Variants in SARDH observed in about 807,000 individuals in gnomAD.
SARDH encodes sarcosine dehydrogenase, mitochondrial.
In SARDH, 95 loss-of-function variants were observed where a neutral mutation model predicts 109.1. That is an observed-to-expected ratio of 0.87 (90% CI 0.74 to 1.03). The LOEUF is 1.03. Among genes scored for constraint, SARDH ranks in the 50% least tolerant of loss-of-function variants. The probability of loss-of-function intolerance (pLI) is 0.00; values close to 1 mark genes in which losing one functional copy is unlikely to be tolerated. For synonymous variants in SARDH, 572 were observed against 534.8 expected, an observed-to-expected ratio of 1.07 and a Z score of -0.96; for missense variants, 1,267 against 1,287.8, an observed-to-expected ratio of 0.98 and a Z score of 0.25.
rs1003613128 is a variant in SARDH at position 133,729,927 on chromosome 9, G to A, written c.815-62C>T. The A allele has an allele frequency of 5.1e-5, 81 of 1,596,398 alleles. No individual in the cohort carries two copies. In the Middle Eastern group the frequency reaches 6.7e-4, roughly 13 times the overall value. Reference sequence around the variant, plus strand: ...ACCTGGTGGGAGCTGCCTCTCAGGTGTGCACAGGCTGCCTCTGCAGACCTG... The same window carrying A: ...ACCTGGTGGGAGCTGCCTCTCAGGTATGCACAGGCTGCCTCTGCAGACCTG... On this transcript the variant is annotated intron_variant, in intron 5 of 20. Transcript: ENST00000439388.
intron 15 of SARDH, among the ~76,000 whole-genome samples, chr9:133,690,973 A>T (rs1476440286): frequency 6.6e-6 from 1 of 152,164 alleles, no homozygotes; most frequent in African/African-American, 2.4e-5. Context: ...CCCTTGGACG[A>T]GAGACCTCTC....
Position 133,668,307 on chromosome 9 carries a change from C to CT in SARDH, c.2496-1438_2496-1437insA. Among the ~76,000 whole-genome samples, 11 of 134,186 alleles carry CT rather than the reference C, an allele frequency of 8.2e-5. 1 individual carries two copies. Among genetic ancestry groups the CT allele is most frequent in the Admixed American group, 7.3e-4 (10 of 13,742 alleles). 88.0% of individuals were successfully genotyped at this position (134,186 alleles called of 152,430 possible). A position where few individuals can be genotyped will look rare whatever the true frequency, so the allele number is the denominator to read the frequency against. Reference sequence around the variant, plus strand: ...TCCCTCCCTCTCCCTCCCTCTCCCTCCCTCTCCCCCACCCTCCCTCTCCCT... The same window carrying CT: ...TCCCTCCCTCTCCCTCCCTCTCCCTCTCCTCTCCCCCACCCTCCCTCTCCCT... On this transcript the variant is annotated intron_variant, in intron 19 of 20. Transcript: ENST00000439388.
chr9:133,692,077 T>C lies in SARDH; in HGVS notation c.1922-1550A>G, dbSNP rs1831119009. On this transcript the variant is annotated intron_variant, in intron 15 of 20. Transcript: ENST00000439388. The surrounding 1 kb of genome is among the most constrained non-coding windows in gnomAD (Gnocchi z 5.0). ...TGAGGGGGGACGAGCAAGGTCCTCA[T>C]TCCCCAGCCAGGGAAACTGAGGCTC... 6.6e-6 allele frequency among the ~76,000 whole-genome samples: 1 copy of C among 152,114 alleles called. No individual in the cohort carries two copies. The highest frequency in any genetic ancestry group is 1.5e-5 in the Non-Finnish European group (1 of 68,002).
chr9:133,667,874 A>G (rs1830129044), intron 19 of SARDH, among the ~76,000 whole-genome samples: 1 of 152,064 alleles, frequency 6.6e-6, no homozygotes, highest in Non-Finnish European at 1.5e-5. Context: ...TGAGGCCCCA[A>G]CTGCCCGGAG....
chr9:133,734,820 C>T (rs1018147645), intron 1 of SARDH, among the ~76,000 whole-genome samples: 4 of 152,102 alleles, frequency 2.6e-5, no homozygotes, highest in Admixed American at 2.0e-4. Flanking sequence ...TGGGGCTGGG[C>T]GGGGGCCGTC....
Position 133,733,927 on chromosome 9 carries a change from A to G in SARDH, c.247T>C (p.Tyr83His). 7 of 1,588,620 alleles carry G rather than the reference A, an allele frequency of 4.4e-6. No individual in the cohort carries two copies. Among genetic ancestry groups the G allele is most frequent in the Non-Finnish European group, 6.0e-6 (7 of 1,167,050 alleles). The change falls in exon 2 of 21, where the codon TAC (tyrosine) becomes CAC (histidine). Residue 83 changes from tyrosine (Y) to histidine (H), a missense_variant. Tyr to His is a moderately conservative substitution (Grantham distance 83). Transcript: ENST00000439388. ...GGGSLGCQTL[Y>H]HLAKLGMSGA... is the part of the protein sequence containing the mutation. ...CTCATGCCCAGCTTGGCCAGGTGGT[A>G]CAGGGTCTGGCAGCCCAAGCTGCCT... is the stretch of plus-strand genomic sequence containing the variant.
intron 8 of SARDH, among the ~76,000 whole-genome samples, chr9:133,715,617 CG>C (rs1420232832): frequency 5.3e-5 from 8 of 152,290 alleles, no homozygotes; most frequent in African/African-American, 1.9e-4. Context: ...CTGGACTCCT[CG>C]GTGGCCACAG....
intron 15 of SARDH, among the ~76,000 whole-genome samples, chr9:133,694,017 C>T (rs1044667175): frequency 1.3e-5 from 2 of 152,226 alleles, no homozygotes; most frequent in Non-Finnish European, 2.9e-5. Context: ...ACCGCAACAG[C>T]GTGGACAGGT....
intron 17 of SARDH, among the ~76,000 whole-genome samples, chr9:133,679,895 C>T (rs534526798): frequency 6.6e-6 from 1 of 152,238 alleles, no homozygotes; most frequent in African/African-American, 2.4e-5. Flanking sequence ...TGGCCCTTGT[C>T]CTCATCGGCC....
At chr9:133,701,955 G>C (rs1475316463) in intron 13 of SARDH, among the ~76,000 whole-genome samples, 1 of 152,212 alleles carries the variant, frequency 6.6e-6, no homozygotes, top group African/African-American at 2.4e-5. Flanking sequence ...GGCCCTTCAA[G>C]GCAACGGACG....
chr9:133,734,877 G>A (rs1358903567), intron 1 of SARDH, among the ~76,000 whole-genome samples: 2 of 152,208 alleles, frequency 1.3e-5, no homozygotes, highest in African/African-American at 4.8e-5. Flanking sequence ...CTCCTGAGGG[G>A]CCAAGCAGCC....
intron 11 of SARDH, 91 bp from the exon 12 acceptor site, chr9:133,705,122 G>GT: frequency 7.6e-7 from 1 of 1,308,574 alleles, no homozygotes; most frequent in Non-Finnish European, 1.1e-6. Context: ...TACACCCAAG[G>GT]GTGCGGAGAG....
chr9:133,710,718 C>T (rs1487613018), intron 10 of SARDH, among the ~76,000 whole-genome samples: 4 of 152,278 alleles, frequency 2.6e-5, no homozygotes, highest in African/African-American at 4.8e-5. Context: ...AGTCCCCGGG[C>T]GCAGGCCCGA....
chr9:133,738,750 C>T (rs62572821), upstream of SARDH, among the ~76,000 whole-genome samples: 856 of 152,340 alleles, frequency 5.6e-3, 5 homozygotes, highest in South Asian at 0.013. Flanking sequence ...AGGGAGGCTC[C>T]TTTGGTGAGG....
At chr9:133,729,328 C>T (rs1052053087) in intron 6 of SARDH, among the ~76,000 whole-genome samples, 1 of 152,084 alleles carries the variant, frequency 6.6e-6, no homozygotes, top group Non-Finnish European at 1.5e-5. Context: ...GGCCCCCAAC[C>T]TCCCTTGGCA....
rs1588401771 is a variant in SARDH at position 133,686,415 on chromosome 9, C to T, written c.2070-1129G>A. ...ATCCTTCAGCTCTTGGCTCAGCTGT[C>T]ACCTCCCCCAGGAAGCCCTCCCTGA... On this transcript the variant is annotated intron_variant, in intron 16 of 20. Transcript: ENST00000439388. The surrounding 1 kb of genome is among the most constrained non-coding windows in gnomAD (Gnocchi z 4.0). 6.6e-6 allele frequency among the ~76,000 whole-genome samples: 1 copy of T among 152,030 alleles called. No individual in the cohort carries two copies. The highest frequency in any genetic ancestry group is 1.5e-5 in the Non-Finnish European group (1 of 67,986).
chr9:133,682,923 C>A (rs183288401), intron 17 of SARDH, among the ~76,000 whole-genome samples: 20 of 152,302 alleles, frequency 1.3e-4, no homozygotes, highest in Admixed American at 1.2e-3. Context: ...GGTTGGAAAC[C>A]GAGCAATGAG....
Position 133,671,701 on chromosome 9 carries a change from G to A in SARDH, c.2164-4C>T. 6.4e-7 allele frequency: 1 copy of A among 1,565,182 alleles called. No individual in the cohort carries two copies. Among genetic ancestry groups the A allele is most frequent in the Non-Finnish European group, 8.7e-7 (1 of 1,155,104 alleles). ...AGGACAGCCGCATGGCTCGGACCTGGGGGACAAGGTCATGGCTTAGATGTG... is the reference window on the plus strand; with the variant it reads ...AGGACAGCCGCATGGCTCGGACCTGAGGGACAAGGTCATGGCTTAGATGTG... On this transcript the variant is annotated splice_polypyrimidine_tract_variant and splice_region_variant and intron_variant, in intron 17 of 20. Coordinates refer to ENST00000439388, the MANE Select transcript of SARDH (RefSeq NM_001134707.2).
intron 13 of SARDH, among the ~76,000 whole-genome samples, chr9:133,702,578 T>A (rs1831527252): frequency 6.6e-6 from 1 of 152,142 alleles, no homozygotes; most frequent in Non-Finnish European, 1.5e-5. Flanking sequence ...CATGCCAGCC[T>A]CGGCGCAGCT....
Sources: allele counts gnomAD v4.1 joint callset (sites outside exome capture counted in the v4.1 genomes callset), GRCh38; gene constraint gnomAD v4.1.1; non-coding constraint Gnocchi (gnomAD v3.1); transcripts MANE v1.5; gene names NCBI Gene and HGNC (gene_info 2026-07-23, HGNC 2026-07-21).